The following SEMA3D variants were observed in gnomAD, a reference collection of about 807,000 sequenced individuals.
SEMA3D encodes the protein semaphorin 3D.
A neutral mutation model predicts 100.1 loss-of-function variants in SEMA3D; 84 were observed. The observed-to-expected ratio is 0.84, with a 90% CI of 0.70 to 1.01. SEMA3D has a LOEUF of 1.01. Among genes scored for constraint, SEMA3D ranks in the 50% least tolerant of loss-of-function variants. The pLI, the probability that SEMA3D is intolerant of heterozygous loss-of-function variation, is 0.00. For missense variants in SEMA3D, 875 were observed against 934.1 expected (o/e 0.94, Z 0.82); for synonymous variants, 312 against 320.7 (o/e 0.97, Z 0.29).
intron 1 of SEMA3D, among the ~76,000 whole-genome samples, chr7:85,160,942 C>T (rs1790729665): frequency 6.6e-6 from 1 of 151,874 alleles, no homozygotes; most frequent in African/African-American, 2.4e-5. Flanking sequence ...GAAGTCAACC[C>T]TAAAATTAGG....
the SEMA3D span, among the ~76,000 whole-genome samples, chr7:85,219,484 A>G: frequency 1.1e-3 from 164 of 152,160 alleles, 1 homozygote; most frequent in African/African-American, 3.6e-3. Context: ...TACCAATTCT[A>G]TGGTTACTCT....
the SEMA3D span, among the ~76,000 whole-genome samples, chr7:85,228,594 C>T: frequency 1.3e-5 from 2 of 152,064 alleles, no homozygotes; most frequent in African/African-American, 4.8e-5. Context: ...TTTGTGTAAT[C>T]TCTTGATCGT....
intron 1 of SEMA3D, among the ~76,000 whole-genome samples, chr7:85,170,986 T>C (rs752274862): frequency 6.6e-6 from 1 of 152,092 alleles, no homozygotes; most frequent in Non-Finnish European, 1.5e-5. Flanking sequence ...GATGCAAAAT[T>C]GTCATTTATC....
rs73713879 is a variant in SEMA3D, at chr7:85,053,831, A to G, written c.861+1886T>C. On this transcript the variant is annotated intron_variant, in intron 9 of 18. Transcript: ENST00000284136. ...CTTTTTTTAAAAAATAAATTCATCC[A>G]TCATATATTCTTTTTTGATCTCACA... Among the ~76,000 whole-genome samples, 342 of 152,120 alleles carry G rather than the reference A, an allele frequency of 2.2e-3. 1 individual carries two copies. Among genetic ancestry groups the G allele is most frequent in the African/African-American group, 7.6e-3 (315 of 41,544 alleles).
intron 1 of SEMA3D, among the ~76,000 whole-genome samples, chr7:85,156,295 G>A (rs1790594792): frequency 6.6e-6 from 1 of 151,426 alleles, no homozygotes; most frequent in African/African-American, 2.4e-5. Context: ...TAGAGATGGG[G>A]TTTCACCACA....
At chr7:85,142,523 T>C (rs1790084307) in intron 2 of SEMA3D, 1 of 983,418 alleles carries the variant, frequency 1.0e-6, no homozygotes, top group Non-Finnish European at 1.2e-6. Context: ...TTCTCCATGG[T>C]AATATGGTAT....
At chr7:85,022,773 G>T (rs554205191) in intron 12 of SEMA3D, among the ~76,000 whole-genome samples, 160 bp from the exon 13 acceptor site, 5 of 151,816 alleles carry the variant, frequency 3.3e-5, no homozygotes, top group Non-Finnish European at 7.4e-5. Flanking sequence ...AATGCAGCGT[G>T]CCTCTAATAA....
At position 85,072,966 on chromosome 7, in the gene SEMA3D, T is replaced by C. The variant is rs774440337; in HGVS notation, c.491A>G (p.Lys164Arg). 1.2e-6 allele frequency: 2 copies of C among 1,601,270 alleles called. No individual in the cohort carries two copies. The highest frequency in any genetic ancestry group is 2.7e-5 in the African/African-American group (2 of 74,352). The change falls in exon 6 of 19, where the codon AAG becomes AGG. Residue 164 changes from lysine to arginine, a missense_variant. By Grantham distance (26) the Lys-to-Arg change is conservative (BLOSUM62 2). Coordinates refer to ENST00000284136, the MANE Select transcript of SEMA3D (RefSeq NM_001384900.1). ...CATGCTTTTTCATTATATTACCTCCTTGTAGACTCCAAGATCAATATACCC... is the reference window on the plus strand; with the variant it reads ...CATGCTTTTTCATTATATTACCTCCCTGTAGACTCCAAGATCAATATACCC... ...ICGYIDLGVYKEDIIFKLDTH... is the reference protein window; with the variant it reads ...ICGYIDLGVYREDIIFKLDTH...
At chr7:85,169,427 C>T (rs77794865) in intron 1 of SEMA3D, among the ~76,000 whole-genome samples, 1 of 151,870 alleles carries the variant, frequency 6.6e-6, no homozygotes, top group Non-Finnish European at 1.5e-5. Flanking sequence ...TCCTGACATT[C>T]TTTTGAATGA....
chr7:85,027,331 T>C (rs1235846671), intron 12 of SEMA3D, among the ~76,000 whole-genome samples: 1 of 152,010 alleles, frequency 6.6e-6, no homozygotes, highest in African/African-American at 2.4e-5. Context: ...ATCTCAAGTT[T>C]GGAGGTTTTA....
At chr7:85,028,055 C>T in intron 12 of SEMA3D, 1 of 594,428 alleles carries the variant, frequency 1.7e-6, no homozygotes, top group Non-Finnish European at 3.2e-6. Flanking sequence ...TGACTGGATG[C>T]AGATTTGATG....
intron 1 of SEMA3D, among the ~76,000 whole-genome samples, chr7:85,168,616 AATTT>A (rs1225989970): frequency 3.6e-5 from 3 of 82,602 alleles, no homozygotes; most frequent in African/African-American, 1.7e-4. Flanking sequence ...CGGTTTCTGC[AATTT>A]TTTTTTTTTT....
chr7:85,143,374 A>G (rs1215443136), intron 2 of SEMA3D: 1 of 225,948 alleles, frequency 4.4e-6, no homozygotes, highest in Non-Finnish European at 7.4e-6. Flanking sequence ...CATTGTTCGA[A>G]CATCATAGAG....
At chr7:85,103,050 T>G (rs1788797826) in intron 3 of SEMA3D, among the ~76,000 whole-genome samples, 2 of 152,206 alleles carry the variant, frequency 1.3e-5, no homozygotes, top group Admixed American at 6.5e-5. Flanking sequence ...AGGCATTACA[T>G]ATTAAAATTT....
the SEMA3D span, among the ~76,000 whole-genome samples, chr7:85,225,941 T>C: frequency 6.6e-6 from 1 of 152,186 alleles, no homozygotes; most frequent in Non-Finnish European, 1.5e-5. Flanking sequence ...AATACAATAA[T>C]ATAAAAATCT....
the SEMA3D span, among the ~76,000 whole-genome samples, chr7:85,249,453 T>C: frequency 6.6e-6 from 1 of 152,186 alleles, no homozygotes; most frequent in East Asian, 1.9e-4. Context: ...TGGGCTTTAG[T>C]TAATACTAAT....
At chr7:85,160,001 C>G in intron 1 of SEMA3D, 1 of 977,966 alleles carries the variant, frequency 1.0e-6, no homozygotes, top group African/African-American at 1.7e-5. Flanking sequence ...TACCACATCT[C>G]TCCATGAACT....
chr7:85,047,557 T>C (rs75136027), intron 9 of SEMA3D, among the ~76,000 whole-genome samples: 1,900 of 151,990 alleles, frequency 0.013, 52 homozygotes, highest in African/African-American at 0.043. Flanking sequence ...TTAACCTATA[T>C]ATTAGATAAC....
chr7:85,123,969 C>T (rs1482940941), intron 2 of SEMA3D, among the ~76,000 whole-genome samples: 2 of 152,028 alleles, frequency 1.3e-5, no homozygotes, highest in Non-Finnish European at 2.9e-5. Context: ...CCTACACCAT[C>T]AGCAGCCCTT....
Sources: allele counts gnomAD v4.1 joint callset (sites outside exome capture counted in the v4.1 genomes callset), GRCh38; gene constraint gnomAD v4.1.1; transcripts MANE v1.5; gene names NCBI Gene and HGNC (gene_info 2026-07-23, HGNC 2026-07-21).